Variants in KCNK13 observed in about 807,000 individuals in gnomAD.
The protein encoded by KCNK13 is potassium two pore domain channel subfamily K member 13, also known as potassium channel subfamily K member 13.
KCNK13 carries 12 observed loss-of-function variants against 23.4 expected under a neutral mutation model. The observed-to-expected ratio is 0.51, with a 90% CI of 0.33 to 0.83. KCNK13 has a LOEUF of 0.83. Among genes scored for constraint, KCNK13 ranks in the 40% least tolerant of loss-of-function variants. The pLI, the probability that KCNK13 is intolerant of heterozygous loss-of-function variation, is 0.02. For synonymous variants in KCNK13, 231 were observed against 229.5 expected (o/e 1.01, Z -0.06); for missense variants, 463 against 556.3 (o/e 0.83, Z 1.69).
At chr14:90,070,843 G>A (rs985243497) in intron 1 of KCNK13, among the ~76,000 whole-genome samples, 8 of 152,202 alleles carry the variant, frequency 5.3e-5, no homozygotes, top group Non-Finnish European at 7.3e-5. Context: ...TGGAAGAGTA[G>A]CTGGTGAGAG....
chr14:90,131,404 G>C (rs1889869276), intron 1 of KCNK13, among the ~76,000 whole-genome samples: 1 of 151,874 alleles, frequency 6.6e-6, no homozygotes, highest in South Asian at 2.1e-4. Flanking sequence ...GCTAATTTTT[G>C]TATTTTTATT....
In KCNK13 at chr14:90,087,904, G is replaced by A. The variant is rs551562826; in HGVS notation, c.334+25365G>A. On this transcript the variant is annotated intron_variant, in intron 1 of 1. Coordinates refer to ENST00000282146, the MANE Select transcript of KCNK13 (RefSeq NM_022054.4). ...ACCACCTACCCTGTGGTTTCAGCATGCCATGTATACTTGGCTGTAAATGCT... is the reference window on the plus strand; with the variant it reads ...ACCACCTACCCTGTGGTTTCAGCATACCATGTATACTTGGCTGTAAATGCT... Among the ~76,000 whole-genome samples, 3 of 152,296 alleles carry A rather than the reference G, an allele frequency of 2.0e-5. No individual in the cohort carries two copies. The South Asian group carries it at 6.2e-4, about 32-fold the overall frequency.
At chr14:90,154,187 G>C (rs1480863480) in intron 1 of KCNK13, among the ~76,000 whole-genome samples, 7 of 152,096 alleles carry the variant, frequency 4.6e-5, no homozygotes, top group Non-Finnish European at 1.0e-4. Context: ...CTGAATGTGG[G>C]CTTTCCTACA....
At chr14:90,065,775 G>T (rs1889000316) in intron 1 of KCNK13, among the ~76,000 whole-genome samples, 1 of 152,098 alleles carries the variant, frequency 6.6e-6, no homozygotes, top group South Asian at 2.1e-4. Flanking sequence ...GCAGAGATAG[G>T]CTCTGCTGTT....
chr14:90,110,737 G>A (rs925167892), intron 1 of KCNK13, among the ~76,000 whole-genome samples: 12 of 152,016 alleles, frequency 7.9e-5, no homozygotes, highest in Middle Eastern at 3.4e-3. Context: ...GGCCAAGTGC[G>A]GTGGCTCACA....
At chr14:90,087,157 T>C (rs1354632488) in intron 1 of KCNK13, among the ~76,000 whole-genome samples, 9 of 134,426 alleles carry the variant, frequency 6.7e-5, no homozygotes, top group Non-Finnish European at 1.4e-4. Context: ...TATATATATT[T>C]TTTTTTTTTA....
intron 1 of KCNK13, among the ~76,000 whole-genome samples, chr14:90,126,878 C>A (rs888586754): frequency 2.6e-5 from 4 of 152,044 alleles, no homozygotes; most frequent in Admixed American, 6.6e-5. Context: ...AGGCAAATTC[C>A]AATTGAGGGA....
At chr14:90,125,386 G>A (rs12892922) in intron 1 of KCNK13, among the ~76,000 whole-genome samples, 57,127 of 151,152 alleles carry the variant, frequency 0.38, 10,852 homozygotes, top group Non-Finnish European at 0.41. Context: ...ACCACACCCC[G>A]CTAATTTTTT....
intron 1 of KCNK13, among the ~76,000 whole-genome samples, chr14:90,085,807 T>A (rs546294987): frequency 7.8e-6 from 1 of 128,754 alleles, no homozygotes; most frequent in Non-Finnish European, 1.6e-5. Flanking sequence ...ATATTATATA[T>A]TATATTATAT....
chr14:90,105,188 G>A (rs761014769), intron 1 of KCNK13, among the ~76,000 whole-genome samples: 11 of 152,204 alleles, frequency 7.2e-5, no homozygotes, highest in Middle Eastern at 3.4e-3. Flanking sequence ...CAGCAGCACC[G>A]TGTCTCTCAT....
intron 1 of KCNK13, among the ~76,000 whole-genome samples, chr14:90,144,257 G>T (rs1172379109): frequency 6.6e-6 from 1 of 151,866 alleles, no homozygotes; most frequent in African/African-American, 2.4e-5. Flanking sequence ...TCAGTGTACT[G>T]GTCTTGTACA....
At chr14:90,163,026 G>A (rs1890267070) in intron 1 of KCNK13, among the ~76,000 whole-genome samples, 2 of 152,204 alleles carry the variant, frequency 1.3e-5, no homozygotes, top group Non-Finnish European at 2.9e-5. Context: ...CATGAAAAAT[G>A]TAGGCAATGA....
At chr14:90,170,296 C>G (rs1218914846) in intron 1 of KCNK13, among the ~76,000 whole-genome samples, 1 of 152,146 alleles carries the variant, frequency 6.6e-6, no homozygotes, top group Admixed American at 6.5e-5. Flanking sequence ...TCACTGCAAC[C>G]TCCACCTCCC....
intron 1 of KCNK13, among the ~76,000 whole-genome samples, chr14:90,125,082 G>C (rs1889780695): frequency 6.6e-6 from 1 of 152,058 alleles, no homozygotes; most frequent in African/African-American, 2.4e-5. Context: ...GAAGGAAAAG[G>C]GACGTTTTTG....
intron 1 of KCNK13, among the ~76,000 whole-genome samples, chr14:90,162,483 G>A (rs893543432): frequency 5.3e-5 from 8 of 152,166 alleles, no homozygotes; most frequent in South Asian, 4.1e-4. Context: ...GTAGTTTTGC[G>A]AAATGTTGCC....
chr14:90,156,486 G>GAGATGCC (rs112318926), intron 1 of KCNK13, among the ~76,000 whole-genome samples: 8,488 of 152,160 alleles, frequency 0.056, 529 homozygotes, highest in African/African-American at 0.15. Context: ...TTCGAGAATT[G>GAGATGCC]AGATGCCAGG....
chr14:90,153,424 A>G (rs1241454391), intron 1 of KCNK13, among the ~76,000 whole-genome samples: 1 of 152,230 alleles, frequency 6.6e-6, no homozygotes, highest in Non-Finnish European at 1.5e-5. Context: ...TTTCCTGAAT[A>G]AAATGATCCA....
chr14:90,129,830 A>T (rs192690171), intron 1 of KCNK13, among the ~76,000 whole-genome samples: 1 of 152,130 alleles, frequency 6.6e-6, no homozygotes, highest in East Asian at 1.9e-4. Flanking sequence ...CTTGGGCTTA[A>T]CAAGCAGAAG....
chr14:90,082,123 A>G (rs527285537), intron 1 of KCNK13, among the ~76,000 whole-genome samples: 5 of 152,262 alleles, frequency 3.3e-5, no homozygotes, highest in East Asian at 3.9e-4. Context: ...GTGCAGTGGC[A>G]TGATCTCAGC....
Sources: gnomAD v4.1 joint callset for allele counts (sites outside exome capture counted in the v4.1 genomes callset) on GRCh38, gnomAD v4.1.1 for gene constraint, MANE v1.5 for transcripts, NCBI Gene and HGNC (gene_info 2026-07-23, HGNC 2026-07-21) for gene names.